Variants in IGSF22 observed in about 807,000 individuals in gnomAD.
IGSF22 encodes immunoglobulin superfamily, member 22.
Under a neutral mutation model 127.0 loss-of-function variants are expected in IGSF22, and 119 were observed. The ratio of observed to expected loss-of-function variants is 0.94; its 90% confidence interval spans 0.81 to 1.09. IGSF22 has a LOEUF of 1.09. IGSF22 is among the 50% of genes least tolerant of loss of function. IGSF22 has a pLI of 0.00. For synonymous variants in IGSF22, 568 were observed against 664.7 expected (o/e 0.85, Z 2.24); for missense variants, 1,518 against 1,716.6 (o/e 0.88, Z 2.04).
chr11:18,719,681 A>G, intron 7 of IGSF22, 35 bp downstream of exon 7: 2 of 1,602,710 alleles, frequency 1.2e-6, no homozygotes, highest in South Asian at 2.2e-5. Context: ...CCCTGCCCCT[A>G]GCCTGCAGGC....
chr11:18,718,188 G>T lies in IGSF22; in HGVS notation c.811-95C>A, dbSNP rs999558023. On this transcript the variant is annotated intron_variant, in intron 8 of 22. Transcript: ENST00000513874. ...CCAGCGCCAGCCTAAGCTGGAGGGT[G>T]CATGTCCAACCCTCTAAAGACAGAG... is the stretch of plus-strand genomic sequence containing the variant. 287 of 1,165,322 alleles carry T rather than the reference G, an allele frequency of 2.5e-4. 4 individuals carry two copies. The Admixed American group carries it at 5.8e-3, about 23-fold the overall frequency. The allele number at this position is 1,165,322 out of a possible 1,614,324, so 72.2% of individuals were successfully genotyped here. A position where few individuals can be genotyped will look rare whatever the true frequency, so the allele number is the denominator to read the frequency against.
chr11:18,718,865 C>G, intron 7 of IGSF22, 137 bp from the exon 8 acceptor site: 1 of 635,034 alleles, frequency 1.6e-6, no homozygotes, highest in Non-Finnish European at 2.8e-6. Context: ...GTGCAGTGCT[C>G]CAGTGATCAA....
intron 20 of IGSF22, 38 bp downstream of exon 20, chr11:18,707,766 A>C: frequency 2.6e-6 from 4 of 1,523,876 alleles, no homozygotes; most frequent in Non-Finnish European, 3.6e-6. Context: ...GAGAGTGTAC[A>C]GGGATGGGTC....
At chr11:18,706,251 A>G (rs1422050527) in intron 21 of IGSF22, 105 bp from the exon 22 acceptor site, 3 of 1,094,774 alleles carry the variant, frequency 2.7e-6, no homozygotes, top group African/African-American at 3.2e-5. Context: ...CCTAGGCCAC[A>G]TTCCCAGCGC....
intron 1 of IGSF22, among the ~76,000 whole-genome samples, chr11:18,725,108 G>A (rs1344802499): frequency 6.6e-6 from 1 of 151,494 alleles, no homozygotes; most frequent in Non-Finnish European, 1.5e-5. Context: ...TTCCATACCA[G>A]ATGATAGCGT....
At chr11:18,706,780 G>A (rs1483039332) in intron 21 of IGSF22, 134 bp downstream of exon 21, 5 of 686,322 alleles carry the variant, frequency 7.3e-6, no homozygotes, top group African/African-American at 1.8e-5. Flanking sequence ...TCTCCGCAGC[G>A]TCCCAGATAT....
chr11:18,723,676 A>G (rs938065098), intron 2 of IGSF22, among the ~76,000 whole-genome samples: 2 of 152,210 alleles, frequency 1.3e-5, no homozygotes, highest in African/African-American at 4.8e-5. Context: ...AGGTAAGGTC[A>G]CCTTCTTGTT....
In IGSF22 at chr11:18,706,137, A is replaced by T. The variant is rs902305835; in HGVS notation, c.3590T>A (p.Leu1197Gln). 1 of 1,541,058 alleles carries T rather than the reference A, an allele frequency of 6.5e-7. No homozygotes were observed. The highest frequency in any genetic ancestry group is 1.4e-5 in the African/African-American group (1 of 73,148). Residue 1197 changes from leucine (L) to glutamine (Q), a missense_variant, in exon 22 of 23, where the codon CTG becomes CAG. Physicochemically the swap from Leu to Gln is moderately radical, Grantham distance 113. Around this residue, in one of 3 missense-constraint regions of IGSF22, gnomAD observed 1,456 missense variants for 1,644.9 expected, o/e 0.89. Transcript: ENST00000513874. ...CTCGTAGGGCTTGAGCTTGGCGCTC[A>T]GGTCCTGGACTGCGCGGGCGGGGCG... Reference protein sequence around the residue: ...WLINKDQIQDLSAKLKPYEKK... With the variant: ...WLINKDQIQDQSAKLKPYEKK...
At chr11:18,721,726 G>C in intron 3 of IGSF22, 55 bp from the exon 4 acceptor site, 1 of 1,606,724 alleles carries the variant, frequency 6.2e-7, no homozygotes, top group Non-Finnish European at 8.5e-7. Flanking sequence ...TAGAGCCTCT[G>C]CCACCCTCTG....
In IGSF22 at chr11:18,719,808, C is replaced by CT. The variant is rs775427287; in HGVS notation, c.603dup (p.Asp202ArgfsTer3). The CT allele has an allele frequency of 7.4e-6, 12 of 1,614,082 alleles. No homozygotes were observed. The African/African-American group carries it at 1.6e-4, about 22-fold the overall frequency. The stretch of plus-strand genomic sequence containing the variant: ...TACTCCATGCACACCTTCTCAAAGT[C>CT]TTTCTTGGGCACTTTGGACAAAATC... On this transcript the variant is annotated frameshift_variant, in exon 7 of 23. Transcript: ENST00000513874. LOFTEE classifies it high-confidence loss of function.
rs1158233964 is a variant in IGSF22 at position 18,706,160 on chromosome 11, G to A, written c.3581-14C>T. ...TCAGGTCCTGGACTGCGCGGGCGGG[G>A]CGGGGCAGGCCGTGAGGGCGCCCCA... On this transcript the variant is annotated splice_polypyrimidine_tract_variant and intron_variant, in intron 21 of 22. Coordinates refer to ENST00000513874, the MANE Select transcript of IGSF22 (RefSeq NM_173588.4). 2.0e-6 allele frequency: 3 copies of A among 1,528,798 alleles called. No homozygotes were observed. The highest frequency in any genetic ancestry group is 2.6e-6 in the Non-Finnish European group (3 of 1,140,218). The allele number at this position is 1,528,798 out of a possible 1,614,324, so 94.7% of individuals were successfully genotyped here. A position where few individuals can be genotyped will look rare whatever the true frequency, so the allele number is the denominator to read the frequency against.
At position 18,712,078 on chromosome 11, in the gene IGSF22, T is replaced by G; in HGVS notation, c.2398+4A>C. On this transcript the variant is annotated splice_donor_region_variant and intron_variant, in intron 15 of 22. Coordinates refer to ENST00000513874, the MANE Select transcript of IGSF22 (RefSeq NM_173588.4). The stretch of plus-strand genomic sequence containing the variant: ...CCCACTGAGCACCAGGCTATCTCAC[T>G]GACCTATGGGATTTCCTGCAAACAC... 1 of 1,546,914 alleles carries G rather than the reference T, an allele frequency of 6.5e-7. No individual in the cohort carries two copies. The highest frequency in any genetic ancestry group is 8.7e-7 in the Non-Finnish European group (1 of 1,143,478).
chr11:18,704,872 T>C (rs542364977), intron 22 of IGSF22: 185 of 294,528 alleles, frequency 6.3e-4, no homozygotes, highest in South Asian at 2.9e-3. Context: ...ACAAGCAGAT[T>C]TGAGTTATCA....
At chr11:18,711,935 C>G in intron 15 of IGSF22, 147 bp downstream of exon 15, 1 of 693,578 alleles carries the variant, frequency 1.4e-6, no homozygotes, top group Non-Finnish European at 2.4e-6. Flanking sequence ...AAATGATGTT[C>G]TGTTTTTACT....
Position 18,714,270 on chromosome 11 carries a change from T to A in IGSF22, c.1798+7A>T. On this transcript the variant is annotated splice_region_variant and intron_variant, in intron 13 of 22. Coordinates refer to ENST00000513874, the MANE Select transcript of IGSF22 (RefSeq NM_173588.4). ...TTGAGCTTTGCCTACCTTGGACAGA[T>A]CCATACCTGCGATGAATACAGAGGC... is the stretch of plus-strand genomic sequence containing the variant. 1.9e-6 allele frequency: 3 copies of A among 1,611,646 alleles called. No individual in the cohort carries two copies. The highest frequency in any genetic ancestry group is 2.5e-6 in the Non-Finnish European group (3 of 1,178,898).
Position 18,709,292 on chromosome 11 carries a change from G to C in IGSF22, c.2998+95C>G. The C allele has an allele frequency of 7.6e-7, 1 of 1,322,946 alleles. No homozygotes were observed. Among genetic ancestry groups the C allele is most frequent in the Non-Finnish European group, 1.1e-6 (1 of 951,354 alleles). 82.0% of individuals were successfully genotyped at this position (1,322,946 alleles called of 1,614,324 possible). On this transcript the variant is annotated intron_variant, in intron 18 of 22. Coordinates refer to ENST00000513874, the MANE Select transcript of IGSF22 (RefSeq NM_173588.4). The surrounding 1 kb of genome is among the most constrained non-coding windows in gnomAD (Gnocchi z 4.8). Reference sequence around the variant, plus strand: ...TATGGATGACTTTTTCATGATCCTAGCATCATCCAATTTTCCTGTGGGATG... The same window carrying C: ...TATGGATGACTTTTTCATGATCCTACCATCATCCAATTTTCCTGTGGGATG...
chr11:18,709,274 G>T lies in IGSF22; in HGVS notation c.2998+113C>A. On this transcript the variant is annotated intron_variant, in intron 18 of 22. Coordinates refer to ENST00000513874, the MANE Select transcript of IGSF22 (RefSeq NM_173588.4). This position sits in a 1 kb window ranked among gnomAD's most constrained non-coding sequence, Gnocchi z 4.8. ...TTGTCCAGGCACAACAACTATGGAT[G>T]ACTTTTTCATGATCCTAGCATCATC... The T allele has an allele frequency of 1.8e-6, 2 of 1,138,952 alleles. No individual in the cohort carries two copies. The highest frequency in any genetic ancestry group is 2.5e-6 in the Non-Finnish European group (2 of 803,956). The allele number at this position is 1,138,952 out of a possible 1,614,324, so 70.6% of individuals were successfully genotyped here. A position where few individuals can be genotyped will look rare whatever the true frequency, so the allele number is the denominator to read the frequency against.
In IGSF22 at chr11:18,717,081, A is replaced by G. The variant is rs1590449795; in HGVS notation, c.974-81T>C. ...GTGGTGAAGAGGGCACTCACATGTC[A>G]CTGGCCTCCTGTAGCCCATGGCTGG... On this transcript the variant is annotated intron_variant, in intron 9 of 22. Coordinates refer to ENST00000513874, the MANE Select transcript of IGSF22 (RefSeq NM_173588.4). 1.7e-5 allele frequency: 26 copies of G among 1,487,990 alleles called. No individual in the cohort carries two copies. The South Asian group carries it at 3.2e-4, about 19-fold the overall frequency. The allele number at this position is 1,487,990 out of a possible 1,614,324, so 92.2% of individuals were successfully genotyped here.
In IGSF22 at chr11:18,715,461, T is replaced by C; in HGVS notation, c.1502A>G (p.Tyr501Cys). The C allele has an allele frequency of 6.2e-7, 1 of 1,613,238 alleles. No homozygotes were observed. Among genetic ancestry groups the C allele is most frequent in the Admixed American group, 1.7e-5 (1 of 59,994 alleles). ...CACAGTGACGATGGCAGTACTGTAGTATTCAGTAGGGTCTCCATCCTGCAT... is the reference window on the plus strand; with the variant it reads ...CACAGTGACGATGGCAGTACTGTAGCATTCAGTAGGGTCTCCATCCTGCAT... ...VAMQDGDPTE[Y>C]YSTAIVTVEE... Residue 501 changes from tyrosine (Y) to cysteine (C), a missense_variant, in exon 11 of 23, where the codon TAC (tyrosine) becomes TGC (cysteine). Transcript: ENST00000513874.
Sources: allele counts gnomAD v4.1 joint callset (sites outside exome capture counted in the v4.1 genomes callset), GRCh38; gene constraint gnomAD v4.1.1; regional missense constraint gnomAD v4.1.1; non-coding constraint Gnocchi (gnomAD v3.1); transcripts MANE v1.5; gene names NCBI Gene and HGNC (gene_info 2026-07-23, HGNC 2026-07-21).